GLRA1: variants seen among roughly 807,000 people sequenced by gnomAD.
The protein encoded by GLRA1 is glycine receptor subunit alpha-1.
In GLRA1, 37 loss-of-function variants were observed where a neutral mutation model predicts 48.3. The ratio of observed to expected loss-of-function variants is 0.77; its 90% CI spans 0.59 to 1.01. The LOEUF (loss-of-function observed/expected upper bound fraction) is 1.01, where lower values mean the gene tolerates loss of function less well. GLRA1 is among the 50% of genes least tolerant of loss of function. GLRA1 has a pLI of 0.00. For missense variants in GLRA1, 427 were observed against 571.0 expected, an observed-to-expected ratio of 0.75 and a Z score of 2.57; for synonymous variants, 196 against 210.7, an observed-to-expected ratio of 0.93 and a Z score of 0.60.
intron 3 of GLRA1, among the ~76,000 whole-genome samples, chr5:151,869,304 A>C (rs966846371): frequency 6.6e-6 from 1 of 151,830 alleles, no homozygotes; most frequent in African/African-American, 2.4e-5. Flanking sequence ...CGGTTTCACC[A>C]TGTTGGCCAG....
chr5:151,914,488 T>A (rs1434678346), intron 1 of GLRA1, among the ~76,000 whole-genome samples: 4 of 152,230 alleles, frequency 2.6e-5, no homozygotes, highest in Non-Finnish European at 2.9e-5. Flanking sequence ...TACTCCTGTG[T>A]GTCTGGGGGT....
intron 7 of GLRA1, chr5:151,850,579 A>T: frequency 7.0e-7 from 1 of 1,428,580 alleles, no homozygotes; most frequent in Non-Finnish European, 9.9e-7. Context: ...ACCTAGCTGG[A>T]TTCCATGAAA....
chr5:151,885,424 A>G (rs6892117), intron 3 of GLRA1, among the ~76,000 whole-genome samples: 40,816 of 152,094 alleles, frequency 0.27, 5,631 homozygotes, highest in South Asian at 0.39. Flanking sequence ...TGTAAAATGT[A>G]TTATGAGAAT....
chr5:151,902,637 C>T (rs1754390987), intron 1 of GLRA1, among the ~76,000 whole-genome samples: 1 of 152,038 alleles, frequency 6.6e-6, no homozygotes, highest in Non-Finnish European at 1.5e-5. Flanking sequence ...TACTTATTTA[C>T]TTAAAATAAT....
intron 8 of GLRA1, among the ~76,000 whole-genome samples, chr5:151,828,335 G>A (rs914664614): frequency 9.9e-5 from 15 of 152,188 alleles, no homozygotes; most frequent in African/African-American, 3.6e-4. Context: ...CTCCCCATTG[G>A]CATTCTTTGG....
intron 7 of GLRA1, 64 bp from the exon 8 acceptor site, chr5:151,829,131 G>A: frequency 1.3e-6 from 2 of 1,533,004 alleles, no homozygotes; most frequent in Non-Finnish European, 1.8e-6. Flanking sequence ...ATTAAGCATG[G>A]CGGAATATTT....
chr5:151,923,450 A>T (rs1321617449), intron 1 of GLRA1, among the ~76,000 whole-genome samples: 1 of 152,238 alleles, frequency 6.6e-6, no homozygotes, highest in South Asian at 2.1e-4. Flanking sequence ...ACAGTAAAAT[A>T]TGAGAGGCAG....
At chr5:151,874,000 A>C (rs1221012916) in intron 3 of GLRA1, among the ~76,000 whole-genome samples, 1 of 152,136 alleles carries the variant, frequency 6.6e-6, no homozygotes, top group Non-Finnish European at 1.5e-5. Flanking sequence ...TGCTGGATGC[A>C]CTTTGAGGAG....
At chr5:151,850,200 G>A (rs942769706) in intron 7 of GLRA1, 42 of 1,603,316 alleles carry the variant, frequency 2.6e-5, no homozygotes, top group African/African-American at 9.4e-5. Context: ...CAGGGACATC[G>A]TGGAGGCCCA....
At chr5:151,850,892 G>A in intron 7 of GLRA1, 2 of 568,032 alleles carry the variant, frequency 3.5e-6, no homozygotes, top group Non-Finnish European at 6.4e-6. Flanking sequence ...TCAAAGGGTG[G>A]AATATAAAGG....
At chr5:151,886,449 A>G in intron 3 of GLRA1, among the ~76,000 whole-genome samples, 1 of 152,230 alleles carries the variant, frequency 6.6e-6, no homozygotes, top group East Asian at 1.9e-4. Context: ...TACTCTAAAA[A>G]TTTGACTTGT....
chr5:151,856,062 G>A (rs1753033924), intron 5 of GLRA1, among the ~76,000 whole-genome samples: 1 of 152,192 alleles, frequency 6.6e-6, no homozygotes, highest in South Asian at 2.1e-4. Context: ...CATAGACATG[G>A]AACAATGACC....
At chr5:151,875,572 G>T (rs554217445) in intron 3 of GLRA1, 1 of 152,308 alleles carries the variant, frequency 6.6e-6, no homozygotes, top group Non-Finnish European at 1.5e-5. Context: ...GGTCGTTCTT[G>T]TGACACAAGT....
At chr5:151,825,223 A>G (rs949131909) in intron 8 of GLRA1, among the ~76,000 whole-genome samples, 2 of 152,218 alleles carry the variant, frequency 1.3e-5, no homozygotes, top group African/African-American at 4.8e-5. Flanking sequence ...TGGACCTAGT[A>G]CTTAGAAGGG....
chr5:151,891,516 GGGGCCTACATTTCTGCA>G (rs1754069053), intron 2 of GLRA1, among the ~76,000 whole-genome samples: 1 of 152,114 alleles, frequency 6.6e-6, no homozygotes, highest in Non-Finnish European at 1.5e-5. Flanking sequence ...CTGGAAACAT[GGGGCCTACATTTCTGCA>G]GGGCAACTAC....
intron 3 of GLRA1, among the ~76,000 whole-genome samples, chr5:151,884,300 A>G (rs1302642250): frequency 6.6e-6 from 1 of 152,068 alleles, no homozygotes; most frequent in East Asian, 1.9e-4. Flanking sequence ...CTGGTGGTGC[A>G]TGTCTGTAAT....
rs80248277 is a variant in GLRA1, at chr5:151,923,179, T to C, written c.56+1315A>G. ...GAACAGGAGATTAGAAGCTTTAGCA[T>C]TGGGTATCTCAGATAAGGGGGGATG... On this transcript the variant is annotated intron_variant, in intron 1 of 8. Transcript: ENST00000274576. Among the ~76,000 whole-genome samples, 1,267 of 152,298 alleles carry C rather than the reference T, an allele frequency of 8.3e-3. 15 individuals are homozygous for C. The highest frequency in any genetic ancestry group is 0.028 in the African/African-American group (1,159 of 41,560).
At chr5:151,892,072 T>G (rs1486338912) in intron 2 of GLRA1, among the ~76,000 whole-genome samples, 1 of 152,152 alleles carries the variant, frequency 6.6e-6, no homozygotes, top group Non-Finnish European at 1.5e-5. Flanking sequence ...TAGCAAATAG[T>G]TTTTAATTCA....
intron 3 of GLRA1, among the ~76,000 whole-genome samples, chr5:151,865,250 G>A (rs1222524853): frequency 6.6e-6 from 1 of 152,194 alleles, no homozygotes; most frequent in Non-Finnish European, 1.5e-5. Flanking sequence ...AAAGGGCTCT[G>A]ATAGGGGTTA....
Sources: allele counts gnomAD v4.1 joint callset (sites outside exome capture counted in the v4.1 genomes callset), GRCh38; gene constraint gnomAD v4.1.1; transcripts MANE v1.5; gene names NCBI Gene and HGNC (gene_info 2026-07-23, HGNC 2026-07-21).